Variants in NRG1 observed in about 807,000 individuals in gnomAD.
The protein encoded by NRG1 is neuregulin 1, also known as pro-neuregulin-1, membrane-bound isoform.
A neutral mutation model predicts 63.8 loss-of-function variants in NRG1; 18 were observed. That is an observed-to-expected ratio of 0.28 (90% CI 0.19 to 0.42). The LOEUF is 0.42. NRG1 is among the 10% of genes least tolerant of loss of function. NRG1 has a pLI of 1.00. For missense variants in NRG1, 762 were observed against 814.7 expected (o/e 0.94, Z 0.79); for synonymous variants, 302 against 301.3 (o/e 1.00, Z -0.02).
At chr8:31,818,740 G>T (rs1823694884) in intron 1 of NRG1, among the ~76,000 whole-genome samples, 1 of 152,138 alleles carries the variant, frequency 6.6e-6, no homozygotes, top group Non-Finnish European at 1.5e-5. Flanking sequence ...TAAGCTGGGA[G>T]TTGGGGACCC....
chr8:32,439,522 A>C (rs1819238267), intron 1 of NRG1, among the ~76,000 whole-genome samples: 1 of 152,174 alleles, frequency 6.6e-6, no homozygotes, highest in African/African-American at 2.4e-5. Flanking sequence ...CACAAGCCAC[A>C]GTCAGAACAC....
intron 1 of NRG1, among the ~76,000 whole-genome samples, chr8:32,003,182 C>G (rs191740092): frequency 3.5e-4 from 54 of 152,132 alleles, no homozygotes; most frequent in African/African-American, 1.3e-3. Context: ...TTTGGAACAG[C>G]CTGCATTCCA....
intron 5 of NRG1, among the ~76,000 whole-genome samples, chr8:32,650,964 T>G (rs1271722340): frequency 1.3e-5 from 2 of 152,284 alleles, no homozygotes; most frequent in East Asian, 3.9e-4. Context: ...TTCTTTATCC[T>G]GGAGCCTGAG....
At chr8:32,380,330 C>A (rs1810188936) in intron 1 of NRG1, among the ~76,000 whole-genome samples, 1 of 152,132 alleles carries the variant, frequency 6.6e-6, no homozygotes, top group Non-Finnish European at 1.5e-5. Flanking sequence ...GCCAGTTCTT[C>A]TGTCTTTGCT....
At chr8:32,647,221 T>C (rs1311005700) in intron 5 of NRG1, 1 of 985,384 alleles carries the variant, frequency 1.0e-6, no homozygotes, top group Non-Finnish European at 1.2e-6. Context: ...CTATTGTCAC[T>C]ACTGCCTCTC....
chr8:32,350,283 C>T (rs901286482), intron 1 of NRG1, among the ~76,000 whole-genome samples: 3 of 152,072 alleles, frequency 2.0e-5, no homozygotes, highest in Non-Finnish European at 2.9e-5. Context: ...CCAAACATTC[C>T]CCCTCTCTCT....
intron 1 of NRG1, among the ~76,000 whole-genome samples, chr8:32,233,565 T>TATATATATATATATATA (rs1563934722): frequency 1.0e-4 from 2 of 19,602 alleles, no homozygotes; most frequent in African/African-American, 3.7e-4. Context: ...ATATATATAT[T>TATATATATATATATATA]TTTTTTTTTT....
At chr8:32,691,204 C>CA (rs1346110731) in intron 5 of NRG1, among the ~76,000 whole-genome samples, 2 of 151,888 alleles carry the variant, frequency 1.3e-5, no homozygotes, top group African/African-American at 4.8e-5. Flanking sequence ...AGTGAAAATA[C>CA]AAAAAATTAG....
chr8:31,925,258 T>G (rs1834266031), intron 1 of NRG1, among the ~76,000 whole-genome samples: 1 of 132,656 alleles, frequency 7.5e-6, no homozygotes, highest in African/African-American at 2.9e-5. Flanking sequence ...TTTATAAAAT[T>G]TAAAACTGTG....
chr8:32,302,432 C>G (rs1379310333), intron 1 of NRG1, among the ~76,000 whole-genome samples: 1 of 152,130 alleles, frequency 6.6e-6, no homozygotes, highest in African/African-American at 2.4e-5. Context: ...TGTAAACTTA[C>G]GTGTAGGAAA....
At chr8:32,192,625 T>A (rs1428383712) in intron 1 of NRG1, among the ~76,000 whole-genome samples, 2 of 152,058 alleles carry the variant, frequency 1.3e-5, no homozygotes, top group Admixed American at 1.3e-4. Context: ...AAGCTAACTA[T>A]TGGGTACCAT....
intron 1 of NRG1, among the ~76,000 whole-genome samples, chr8:32,583,170 TTTATAG>T (rs1840986133): frequency 6.6e-6 from 1 of 152,188 alleles, no homozygotes; most frequent in Non-Finnish European, 1.5e-5. Context: ...TTCTTAGATA[TTTATAG>T]ATGGTGGTGG....
rs1827741299 is a variant in NRG1 at position 32,083,241 on chromosome 8, A to G, written c.37+443810A>G. Among the ~76,000 whole-genome samples the G allele has an allele frequency of 1.3e-5, 2 of 152,226 alleles. 1 individual carries two copies. The highest frequency in any genetic ancestry group is 4.1e-4 in the South Asian group (2 of 4,832). ...AATAATACCAGGTGATGGTTAGGAA[A>G]CAGAAAATTCCTGAAGCATCTCTTC... On this transcript the variant is annotated intron_variant, in intron 1 of 10. Coordinates refer to the NRG1 transcript ENST00000519301.
intron 1 of NRG1, among the ~76,000 whole-genome samples, chr8:32,530,058 T>C (rs774214493): frequency 6.6e-6 from 1 of 152,166 alleles, no homozygotes; most frequent in Non-Finnish European, 1.5e-5. Flanking sequence ...TAATGTGTTG[T>C]GCTACAATGT....
chr8:32,074,090 C>A (rs1826148629), intron 1 of NRG1, among the ~76,000 whole-genome samples: 1 of 152,150 alleles, frequency 6.6e-6, no homozygotes, highest in African/African-American at 2.4e-5. Flanking sequence ...ATAATAATTT[C>A]ACAGTTATTA....
intron 1 of NRG1, among the ~76,000 whole-genome samples, chr8:31,920,664 C>T (rs1424374796): frequency 6.6e-6 from 1 of 152,074 alleles, no homozygotes; most frequent in Non-Finnish European, 1.5e-5. Flanking sequence ...CTGGTACTCA[C>T]TATCTGTATG....
chr8:32,489,301 C>T (rs1287581050), intron 1 of NRG1, among the ~76,000 whole-genome samples: 8 of 152,178 alleles, frequency 5.3e-5, no homozygotes. Context: ...TAAACTCTGC[C>T]ATTTGGCCTC....
intron 1 of NRG1, among the ~76,000 whole-genome samples, chr8:32,091,532 A>T (rs1479774264): frequency 1.3e-5 from 2 of 152,264 alleles, no homozygotes; most frequent in African/African-American, 4.8e-5. Context: ...ATTTTAGTTA[A>T]TTGGTAGCCA....
At chr8:31,736,189 T>C (rs139768209) in intron 1 of NRG1, among the ~76,000 whole-genome samples, 124 of 152,274 alleles carry the variant, frequency 8.1e-4, no homozygotes, top group Admixed American at 3.7e-3. Context: ...GCTTCAGACA[T>C]AGGGGCATCA....
Sources: allele counts gnomAD v4.1 joint callset (sites outside exome capture counted in the v4.1 genomes callset), GRCh38; gene constraint gnomAD v4.1.1; transcripts MANE v1.5; gene names NCBI Gene and HGNC (gene_info 2026-07-23, HGNC 2026-07-21).